The following TRPM3 variants were observed in gnomAD, a reference collection of about 807,000 sequenced individuals.
TRPM3 encodes the protein long transient receptor potential channel 3.
Under a neutral mutation model 181.2 loss-of-function variants are expected in TRPM3, and 77 were observed. The ratio of observed to expected loss-of-function variants is 0.42; its 90% confidence interval spans 0.35 to 0.51. The LOEUF is 0.51. TRPM3 is among the 20% of genes least tolerant of loss of function. TRPM3 has a pLI of 0.01. For missense variants in TRPM3, 1,759 were observed against 2,196.7 expected (o/e 0.80, Z 3.98); for synonymous variants, 745 against 796.4 (o/e 0.94, Z 1.09).
intron 1 of TRPM3, among the ~76,000 whole-genome samples, chr9:71,360,859 G>T (rs1247137166): frequency 1.3e-5 from 2 of 152,084 alleles, no homozygotes; most frequent in Non-Finnish European, 2.9e-5. Context: ...GCATTAAAAT[G>T]ATCCAGAAAA....
At chr9:71,373,639 C>G (rs2092589059) in intron 1 of TRPM3, among the ~76,000 whole-genome samples, 1 of 151,998 alleles carries the variant, frequency 6.6e-6, no homozygotes, top group Admixed American at 6.6e-5. Flanking sequence ...CAATGAATAG[C>G]CTACCAAGCA....
chr9:70,619,913 C>A (rs1314385049), intron 16 of TRPM3, among the ~76,000 whole-genome samples, 163 bp downstream of exon 16: 1 of 152,196 alleles, frequency 6.6e-6, no homozygotes, highest in Non-Finnish European at 1.5e-5. Flanking sequence ...CCATCTGTGG[C>A]ACTGTGCACA....
chr9:70,785,682 A>C (rs369179290), intron 6 of TRPM3, among the ~76,000 whole-genome samples: 56 of 152,242 alleles, frequency 3.7e-4, no homozygotes, highest in African/African-American at 1.2e-3. Context: ...TGCTCGGGTA[A>C]AGGATATTTT....
chr9:71,434,922 T>C (rs1448486730), intron 1 of TRPM3, among the ~76,000 whole-genome samples: 1 of 152,182 alleles, frequency 6.6e-6, no homozygotes, highest in East Asian at 1.9e-4. Context: ...AACAGCTCCA[T>C]TTTAAAACTA....
At chr9:70,669,159 C>T (rs546763083) in intron 9 of TRPM3, among the ~76,000 whole-genome samples, 23 of 152,248 alleles carry the variant, frequency 1.5e-4, no homozygotes, top group African/African-American at 2.9e-4. Flanking sequence ...GGCTGCATGG[C>T]GCAGGGGAAA....
chr9:70,963,261 G>C (rs1182402275), intron 1 of TRPM3, among the ~76,000 whole-genome samples: 2 of 152,202 alleles, frequency 1.3e-5, no homozygotes, highest in African/African-American at 4.8e-5. Context: ...CTTACAGGCT[G>C]CACAACTTCA....
intron 1 of TRPM3, among the ~76,000 whole-genome samples, chr9:71,049,841 G>C (rs1039203548): frequency 1.3e-5 from 2 of 152,166 alleles, no homozygotes; most frequent in Admixed American, 6.6e-5. Context: ...GTTTGGGAAA[G>C]TTCCCTTACT....
chr9:71,127,394 TG>T lies in TRPM3; in HGVS notation c.184-262884del, dbSNP rs1311092846. On this transcript the variant is annotated intron_variant, in intron 1 of 24. Transcript: ENST00000357533. The stretch of plus-strand genomic sequence containing the variant: ...GTGGTGGCGGGTAGTGACGGGCTAA[TG>T]GAAAGCTCATGCTTGTTTCAAGAAA... Among the ~76,000 whole-genome samples the T allele has an allele frequency of 1.1e-4, 17 of 151,934 alleles. No individual in the cohort carries two copies. In the South Asian group the frequency reaches 1.5e-3, roughly 13 times the overall value.
At chr9:71,050,246 G>A (rs922147680) in intron 1 of TRPM3, among the ~76,000 whole-genome samples, 4 of 152,130 alleles carry the variant, frequency 2.6e-5, no homozygotes, top group African/African-American at 7.2e-5. Flanking sequence ...GGGGATGGAG[G>A]AGACTCCTAA....
chr9:71,041,280 G>C (rs946735056), intron 1 of TRPM3, among the ~76,000 whole-genome samples: 4 of 152,124 alleles, frequency 2.6e-5, no homozygotes, highest in Admixed American at 6.5e-5. Flanking sequence ...AAAAAATTTG[G>C]TGAATCCAAG....
intron 1 of TRPM3, among the ~76,000 whole-genome samples, chr9:71,056,895 A>C (rs974232687): frequency 3.9e-5 from 6 of 151,964 alleles, no homozygotes; most frequent in Non-Finnish European, 8.8e-5. Flanking sequence ...ATTCATCCAC[A>C]CTCTGGAACT....
intron 1 of TRPM3, among the ~76,000 whole-genome samples, chr9:71,058,605 G>A (rs2060939662): frequency 6.6e-6 from 1 of 152,006 alleles, no homozygotes; most frequent in Non-Finnish European, 1.5e-5. Flanking sequence ...TCTATGACAT[G>A]CTTTTCAAAT....
chr9:70,798,097 C>T (rs1292553640), intron 6 of TRPM3, among the ~76,000 whole-genome samples: 2 of 152,114 alleles, frequency 1.3e-5, no homozygotes, highest in Non-Finnish European at 2.9e-5. Flanking sequence ...CTCCATCACC[C>T]AGGTTGGAGT....
intron 8 of TRPM3, among the ~76,000 whole-genome samples, chr9:70,740,212 C>G (rs1469342519): frequency 6.6e-6 from 1 of 152,118 alleles, no homozygotes; most frequent in Non-Finnish European, 1.5e-5. Context: ...GTGCTCAACC[C>G]TTTTCACAAT....
intron 11 of TRPM3, among the ~76,000 whole-genome samples, chr9:70,637,236 C>A (rs754647185): frequency 1.3e-5 from 2 of 152,130 alleles, no homozygotes; most frequent in Admixed American, 6.5e-5. Flanking sequence ...ATGGGAATGA[C>A]AGTATCACTT....
Position 70,635,242 on chromosome 9 carries a change from G to A in TRPM3, c.1601C>T (p.Thr534Ile). 1.9e-6 allele frequency: 3 copies of A among 1,613,918 alleles called. No individual in the cohort carries two copies. The highest frequency in any genetic ancestry group is 2.2e-5 in the South Asian group (2 of 91,068). The change falls in exon 12 of 26, where the codon ACA becomes ATA. Residue 534 changes from threonine to isoleucine, a missense_variant. Physicochemically the swap from Thr to Ile is moderately conservative, Grantham distance 89. This residue lies in a region of TRPM3 where 737 missense variants were observed against 957.4 expected (regional missense o/e 0.77). Transcript: ENST00000677713. Reference protein sequence around the residue: ...LYNTRHGPSNTLYHLVRDVKK... With the variant: ...LYNTRHGPSNILYHLVRDVKK... ...GACATCCCTGACCAAGTGGTACAAT[G>A]TATTTGAGGGCCCATGTCTCTGAAA...
chr9:71,173,465 T>C (rs904556337), intron 1 of TRPM3, among the ~76,000 whole-genome samples: 2 of 152,310 alleles, frequency 1.3e-5, no homozygotes, highest in Admixed American at 1.3e-4. Flanking sequence ...AGGCAGTATA[T>C]TTACCATATA....
chr9:71,352,489 G>A (rs538089383), intron 1 of TRPM3, among the ~76,000 whole-genome samples: 13 of 152,036 alleles, frequency 8.6e-5, no homozygotes, highest in African/African-American at 3.1e-4. Flanking sequence ...AAAAAAAATG[G>A]GATATGCTAT....
intron 1 of TRPM3, among the ~76,000 whole-genome samples, chr9:71,344,906 G>A (rs186312557): frequency 1.3e-5 from 2 of 152,174 alleles, no homozygotes; most frequent in East Asian, 1.9e-4. Flanking sequence ...AAATTAAAAA[G>A]TGGCAAAAGA....
Sources: gnomAD v4.1 joint callset for allele counts (sites outside exome capture counted in the v4.1 genomes callset) on GRCh38, gnomAD v4.1.1 for gene constraint, gnomAD v4.1.1 regional missense constraint, MANE v1.5 for transcripts, NCBI Gene and HGNC (gene_info 2026-07-23, HGNC 2026-07-21) for gene names.